The following TEK variants were observed in gnomAD, a reference collection of about 807,000 sequenced individuals.
TEK encodes the protein angiopoietin-1 receptor.
Under a neutral mutation model 131.8 loss-of-function variants are expected in TEK, and 43 were observed. That is an observed-to-expected ratio of 0.33 (90% CI 0.26 to 0.42). TEK has a LOEUF of 0.42. Among genes scored for constraint, TEK ranks in the 10% least tolerant of loss-of-function variants. The pLI, the probability that TEK is intolerant of heterozygous loss-of-function variation, is 1.00. For missense variants in TEK, 1,162 were observed against 1,384.4 expected (o/e 0.84, Z 2.55); for synonymous variants, 580 against 491.6 (o/e 1.18, Z -2.38).
chr9:27,174,631 T>C (rs2131153023), intron 6 of TEK, among the ~76,000 whole-genome samples: 1 of 152,216 alleles, frequency 6.6e-6, no homozygotes, highest in Middle Eastern at 3.4e-3. Flanking sequence ...TCCAGGGGCT[T>C]GGAGGAGGAG....
In TEK at chr9:27,131,895, T is replaced by C. The variant is rs140510280; in HGVS notation, c.52+22253T>C. Among the ~76,000 whole-genome samples the C allele has an allele frequency of 2.2e-3, 333 of 152,234 alleles. 1 individual carries two copies. The highest frequency in any genetic ancestry group is 7.4e-3 in the African/African-American group (308 of 41,548). On this transcript the variant is annotated intron_variant, in intron 1 of 22. Transcript: ENST00000380036. ...TAGTCTAGGAAAGAAATGAAAGTTATGCATCAAAATGTCAGCAAGGGTTAA... is the reference window on the plus strand; with the variant it reads ...TAGTCTAGGAAAGAAATGAAAGTTACGCATCAAAATGTCAGCAAGGGTTAA...
At chr9:27,218,132 G>GT (rs1564106228) in intron 19 of TEK, among the ~76,000 whole-genome samples, 3 of 150,888 alleles carry the variant, frequency 2.0e-5, no homozygotes, top group South Asian at 2.1e-4. Flanking sequence ...CCAGACAGTG[G>GT]CGGGGGTCGT....
chr9:27,168,387 C>T, intron 2 of TEK, 108 bp from the exon 3 acceptor site: 2 of 815,714 alleles, frequency 2.5e-6, no homozygotes, highest in Non-Finnish European at 4.2e-6. Context: ...CAAAAACCAT[C>T]TGACACCTAG....
intron 21 of TEK, among the ~76,000 whole-genome samples, chr9:27,222,193 A>G (rs1587050132): frequency 6.6e-6 from 1 of 152,190 alleles, no homozygotes; most frequent in Admixed American, 6.5e-5. Flanking sequence ...AAAATAATGA[A>G]AAGGAATGAA....
intron 1 of TEK, among the ~76,000 whole-genome samples, chr9:27,120,338 G>A (rs150562964): frequency 0.01 from 1,585 of 152,356 alleles, 27 homozygotes; most frequent in African/African-American, 0.035. Flanking sequence ...TTCTTCACCT[G>A]CTTTACTTAT....
intron 20 of TEK, 152 bp downstream of exon 20, chr9:27,218,969 A>T: frequency 1.2e-6 from 1 of 816,408 alleles, no homozygotes; most frequent in Non-Finnish European, 2.1e-6. Context: ...ATTAATTCCC[A>T]TATTTTTCTT....
At chr9:27,140,884 T>C (rs1343282967) in intron 1 of TEK, among the ~76,000 whole-genome samples, 3 of 152,168 alleles carry the variant, frequency 2.0e-5, no homozygotes, top group Non-Finnish European at 4.4e-5. Flanking sequence ...GAGACTATGT[T>C]CTACTTTATG....
chr9:27,135,768 AG>A, intron 1 of TEK, among the ~76,000 whole-genome samples: 1 of 37,044 alleles, frequency 2.7e-5, no homozygotes, highest in South Asian at 4.4e-4. Flanking sequence ...GGTCTATCTC[AG>A]AGCAGACCTT....
intron 6 of TEK, among the ~76,000 whole-genome samples, chr9:27,177,522 G>A (rs1050917070): frequency 5.3e-5 from 8 of 152,164 alleles, no homozygotes; most frequent in African/African-American, 1.9e-4. Flanking sequence ...AGGCCAAGGC[G>A]GGCGGATCAC....
chr9:27,140,693 A>G lies in TEK; in HGVS notation c.53-17138A>G, dbSNP rs188679005. ...AAATGTTATATTTGATTTTTAGTCTACTTTATCTGTCAAAATGGGAGTGGT... is the reference window on the plus strand; with the variant it reads ...AAATGTTATATTTGATTTTTAGTCTGCTTTATCTGTCAAAATGGGAGTGGT... On this transcript the variant is annotated intron_variant, in intron 1 of 22. Transcript: ENST00000380036. Among the ~76,000 whole-genome samples, 35 of 152,142 alleles carry G rather than the reference A, an allele frequency of 2.3e-4. No homozygotes were observed. In the East Asian group the frequency reaches 6.8e-3, roughly 29 times the overall value.
At chr9:27,223,732 G>T (rs7469825) in intron 21 of TEK, among the ~76,000 whole-genome samples, 79,615 of 151,796 alleles carry the variant, frequency 0.52, 21,343 homozygotes, top group East Asian at 0.58. Context: ...GCAAACAAAT[G>T]CAAAAACTAG....
intron 2 of TEK, 134 bp downstream of exon 2, chr9:27,158,276 T>C: frequency 9.7e-7 from 1 of 1,034,952 alleles, no homozygotes; most frequent in Non-Finnish European, 1.5e-6. Context: ...CCTGTCTCTT[T>C]CCATGCATCA....
At chr9:27,183,804 G>A (rs1293493692) in intron 8 of TEK, among the ~76,000 whole-genome samples, 194 bp downstream of exon 8, 1 of 152,204 alleles carries the variant, frequency 6.6e-6, no homozygotes, top group African/African-American at 2.4e-5. Flanking sequence ...CTGTTGGCCA[G>A]TACTGCTCTG....
At position 27,204,921 on chromosome 9, in the gene TEK, C is replaced by A. The variant is rs759108843; in HGVS notation, c.2220C>A (p.Asp740Glu). Residue 740 changes from aspartate to glutamate, a missense_variant, in exon 14 of 23, where the codon GAC becomes GAA. Asp to Glu is a conservative substitution (Grantham distance 45, BLOSUM62 2). This residue lies in a region of TEK where 477 missense variants were observed against 471.0 expected (regional missense o/e 1.01). Coordinates refer to ENST00000380036, the MANE Select transcript of TEK (RefSeq NM_000459.5). ...TGTCTTCCTGCACAGCACCAGCGGA[C>A]CTCGGAGGGGGGAAGATGCTGCTTA... Reference protein sequence around the residue: ...VTLPESQAPADLGGGKMLLIA... With the variant: ...VTLPESQAPAELGGGKMLLIA... The A allele has an allele frequency of 1.2e-6, 2 of 1,613,926 alleles. No individual in the cohort carries two copies. The highest frequency in any genetic ancestry group is 2.2e-5 in the South Asian group (2 of 91,080).
At chr9:27,216,296 T>C (rs1245099234) in intron 18 of TEK, among the ~76,000 whole-genome samples, 1 of 151,804 alleles carries the variant, frequency 6.6e-6, no homozygotes, top group African/African-American at 2.4e-5. Flanking sequence ...GGAGAGATTG[T>C]TGTCATCAGG....
intron 1 of TEK, 101 bp downstream of exon 1, chr9:27,109,743 G>A: frequency 8.4e-7 from 1 of 1,194,408 alleles, no homozygotes; most frequent in Admixed American, 1.9e-5. Context: ...ATGAACAAGG[G>A]GTGGCTGTAG....
At position 27,124,528 on chromosome 9, in the gene TEK, A is replaced by G. The variant is rs1379352408; in HGVS notation, c.52+14886A>G. ...AGAACTAGCATGTTGTCACACCCAA[A>G]GTGATGTGCCCAAAGTCAAGGGACG... On this transcript the variant is annotated intron_variant, in intron 1 of 22. Transcript: ENST00000380036. 2.0e-5 allele frequency among the ~76,000 whole-genome samples: 3 copies of G among 152,254 alleles called. 1 individual carries two copies.
chr9:27,191,220 C>A (rs984775211), intron 10 of TEK, among the ~76,000 whole-genome samples: 23 of 152,146 alleles, frequency 1.5e-4, no homozygotes, highest in Middle Eastern at 6.8e-3. Flanking sequence ...CTGTGGCAGA[C>A]TGGAATGGGC....
chr9:27,136,973 T>G (rs918994059), intron 1 of TEK, among the ~76,000 whole-genome samples: 1 of 152,202 alleles, frequency 6.6e-6, no homozygotes, highest in South Asian at 2.1e-4. Context: ...TGGAGTGCAG[T>G]GGCGCAGTCT....
Sources: allele counts gnomAD v4.1 joint callset (sites outside exome capture counted in the v4.1 genomes callset), GRCh38; gene constraint gnomAD v4.1.1; regional missense constraint gnomAD v4.1.1; transcripts MANE v1.5; gene names NCBI Gene and HGNC (gene_info 2026-07-23, HGNC 2026-07-21).